The following MARCHF1 variants were observed in gnomAD, a reference collection of about 807,000 sequenced individuals.
MARCHF1 encodes E3 ubiquitin-protein ligase MARCHF1.
In MARCHF1, 40 loss-of-function variants were observed where a neutral mutation model predicts 54.2. That is an observed-to-expected ratio of 0.74 (90% confidence interval 0.57 to 0.96). The LOEUF is 0.96. Ranked by LOEUF, MARCHF1 falls within the 40% of genes least tolerant of loss-of-function variation. MARCHF1 has a pLI of 0.00. For synonymous variants in MARCHF1, 236 were observed against 236.3 expected (o/e 1.00, Z 0.01); for missense variants, 586 against 656.5 (o/e 0.89, Z 1.17).
Position 163,752,409 on chromosome 4 carries a change from C to T in MARCHF1, c.112-51546G>A, listed in dbSNP as rs79975699. Reference sequence around the variant, plus strand: ...CACCATAGGAAGGCAGTGTGGTATACAACACAAGCACATAGATTCTGAAGC... The same window carrying T: ...CACCATAGGAAGGCAGTGTGGTATATAACACAAGCACATAGATTCTGAAGC... On this transcript the variant is annotated intron_variant, in intron 4 of 9. Transcript: ENST00000514618. Among the ~76,000 whole-genome samples, 41 of 152,266 alleles carry T rather than the reference C, an allele frequency of 2.7e-4. No individual in the cohort carries two copies. In the East Asian group the frequency reaches 7.1e-3, roughly 26 times the overall value.
At chr4:164,025,198 A>C (rs1055206226) in intron 2 of MARCHF1, among the ~76,000 whole-genome samples, 1 of 152,146 alleles carries the variant, frequency 6.6e-6, no homozygotes, top group African/African-American at 2.4e-5. Flanking sequence ...GCAGAAAACT[A>C]ACAAAAAAAT....
chr4:164,025,921 T>G (rs1579470578), intron 2 of MARCHF1, among the ~76,000 whole-genome samples: 1 of 151,966 alleles, frequency 6.6e-6, no homozygotes, highest in South Asian at 2.1e-4. Context: ...TATAAAAGAT[T>G]ATCAGAAACT....
intron 1 of MARCHF1, among the ~76,000 whole-genome samples, chr4:164,232,130 C>T (rs184019711): frequency 1.2e-3 from 176 of 152,246 alleles, no homozygotes; most frequent in South Asian, 9.9e-3. Context: ...AAAGTCAGTA[C>T]TAATTTTAGT....
intron 4 of MARCHF1, among the ~76,000 whole-genome samples, chr4:163,812,305 C>T (rs985491309): frequency 2.7e-5 from 4 of 150,878 alleles, no homozygotes; most frequent in Non-Finnish European, 5.9e-5. Flanking sequence ...TAATACATCT[C>T]TTCCTATATA....
At chr4:163,551,801 G>T (rs949997434) in intron 8 of MARCHF1, among the ~76,000 whole-genome samples, 1 of 152,062 alleles carries the variant, frequency 6.6e-6, no homozygotes, top group Non-Finnish European at 1.5e-5. Context: ...AGATCATGAG[G>T]TCTCTCTCTT....
At chr4:164,102,789 T>A (rs750950691) in intron 2 of MARCHF1, among the ~76,000 whole-genome samples, 17,303 of 143,532 alleles carry the variant, frequency 0.12, 1,654 homozygotes, top group African/African-American at 0.28. Flanking sequence ...GTCAATGGAC[T>A]AAATGCTCCA....
chr4:164,064,044 T>C (rs935232942), intron 2 of MARCHF1, among the ~76,000 whole-genome samples: 16 of 152,366 alleles, frequency 1.1e-4, no homozygotes, highest in Admixed American at 1.0e-3. Context: ...ACCAGTACCA[T>C]GCTGTTTTGG....
intron 2 of MARCHF1, among the ~76,000 whole-genome samples, chr4:164,049,299 C>T (rs943493707): frequency 1.3e-5 from 2 of 152,156 alleles, no homozygotes; most frequent in African/African-American, 4.8e-5. Context: ...GGGGGAACCA[C>T]CCCCGTGATT....
At chr4:164,237,209 T>C (rs1732586886) in intron 1 of MARCHF1, among the ~76,000 whole-genome samples, 1 of 152,166 alleles carries the variant, frequency 6.6e-6, no homozygotes, top group South Asian at 2.1e-4. Context: ...CCCCAATTCT[T>C]TAAAAAATCT....
At chr4:163,695,364 A>G (rs1239981039) in intron 5 of MARCHF1, among the ~76,000 whole-genome samples, 5 of 152,184 alleles carry the variant, frequency 3.3e-5, no homozygotes, top group African/African-American at 1.2e-4. Flanking sequence ...TACCTTGTAC[A>G]CAGTACGTCA....
At chr4:164,159,858 G>A (rs964245359) in intron 1 of MARCHF1, among the ~76,000 whole-genome samples, 14 of 152,050 alleles carry the variant, frequency 9.2e-5, no homozygotes, top group Non-Finnish European at 4.4e-5. Context: ...CCAGTAAATG[G>A]TACCTCTTCT....
chr4:164,024,304 G>A (rs372450752), intron 2 of MARCHF1, among the ~76,000 whole-genome samples: 19 of 152,160 alleles, frequency 1.2e-4, no homozygotes, highest in African/African-American at 4.3e-4. Context: ...CAAGGTCAAC[G>A]TGAAAGAAAA....
At chr4:163,955,701 A>G (rs1015196374) in intron 3 of MARCHF1, among the ~76,000 whole-genome samples, 1 of 152,112 alleles carries the variant, frequency 6.6e-6, no homozygotes, top group African/African-American at 2.4e-5. Flanking sequence ...CACTTATGTC[A>G]TGGCTGAAAT....
chr4:164,377,987 T>C (rs1731246540), intron 1 of MARCHF1, among the ~76,000 whole-genome samples: 1 of 152,188 alleles, frequency 6.6e-6, no homozygotes, highest in African/African-American at 2.4e-5. Flanking sequence ...TTAAAAATAA[T>C]GACACATTTC....
At chr4:163,691,110 T>A (rs2111200767) in intron 5 of MARCHF1, among the ~76,000 whole-genome samples, 1 of 152,308 alleles carries the variant, frequency 6.6e-6, no homozygotes, top group African/African-American at 2.4e-5. Flanking sequence ...TTTAGCTCCA[T>A]TTTCCCAGGG....
At chr4:164,181,478 G>C (rs1206347196) in intron 1 of MARCHF1, among the ~76,000 whole-genome samples, 1 of 151,922 alleles carries the variant, frequency 6.6e-6, no homozygotes, top group Non-Finnish European at 1.5e-5. Flanking sequence ...TTCACGCTAG[G>C]GAATAGACAA....
At chr4:163,722,798 T>C (rs1745518559) in intron 4 of MARCHF1, among the ~76,000 whole-genome samples, 1 of 152,200 alleles carries the variant, frequency 6.6e-6, no homozygotes, top group Admixed American at 6.5e-5. Context: ...TTGTCTCTTT[T>C]GATCTTTGTT....
intron 5 of MARCHF1, among the ~76,000 whole-genome samples, chr4:163,669,834 A>C (rs1409339908): frequency 6.6e-6 from 1 of 152,022 alleles, no homozygotes; most frequent in Non-Finnish European, 1.5e-5. Flanking sequence ...TCTGAGCTCA[A>C]GCATCTGCCC....
At chr4:163,689,897 T>C (rs1319446719) in intron 5 of MARCHF1, among the ~76,000 whole-genome samples, 1 of 152,228 alleles carries the variant, frequency 6.6e-6, no homozygotes, top group Non-Finnish European at 1.5e-5. Context: ...TTAAATTAAA[T>C]TAAAATGGTC....
Sources: allele counts gnomAD v4.1 joint callset (sites outside exome capture counted in the v4.1 genomes callset), GRCh38; gene constraint gnomAD v4.1.1; transcripts MANE v1.5; gene names NCBI Gene and HGNC (gene_info 2026-07-23, HGNC 2026-07-21).